Variants in MAP7D2 observed in about 807,000 individuals in gnomAD.
MAP7D2 encodes MAP7 domain-containing protein 2.
MAP7D2 carries 33 observed loss-of-function variants against 63.5 expected under a neutral mutation model. The ratio of observed to expected loss-of-function variants is 0.52; its 90% CI spans 0.39 to 0.70. MAP7D2 has a LOEUF of 0.70. Ranked by LOEUF, MAP7D2 falls within the 30% of genes least tolerant of loss-of-function variation. MAP7D2 has a pLI of 0.00. For missense variants in MAP7D2, 626 were observed against 604.0 expected, an observed-to-expected ratio of 1.04 and a Z score of -0.38; for synonymous variants, 224 against 223.7, an observed-to-expected ratio of 1.00 and a Z score of -0.01.
At chrX:20,060,416 A>AAG (rs201124124) in intron 3 of MAP7D2, among the ~76,000 whole-genome samples, 71 of 85,964 alleles carry the variant, frequency 8.3e-4, no homozygotes, top group African/African-American at 3.0e-3. Flanking sequence ...AAGAAAAGAA[A>AAG]AGAGAGAGAG....
chrX:20,061,232 T>C (rs778225394), intron 3 of MAP7D2, among the ~76,000 whole-genome samples: 3 of 107,937 alleles, frequency 2.8e-5, no homozygotes, highest in East Asian at 2.9e-4. Context: ...CCTTGAATCA[T>C]AGGGGCCAGT....
At chrX:20,108,798 A>G (rs929835755) in intron 1 of MAP7D2, among the ~76,000 whole-genome samples, 1 of 109,314 alleles carries the variant, frequency 9.1e-6, no homozygotes, top group African/African-American at 3.4e-5. Flanking sequence ...AGAGTATCAG[A>G]GAATCTTCCA....
At chrX:20,058,681 G>A (rs2085146642) in intron 3 of MAP7D2, among the ~76,000 whole-genome samples, 2 of 111,960 alleles carry the variant, frequency 1.8e-5, no homozygotes, top group African/African-American at 3.3e-5. Context: ...TGAGGAGGCC[G>A]ATGAAAACAC....
chrX:20,097,081 A>G (rs1437137768), intron 1 of MAP7D2, among the ~76,000 whole-genome samples: 3 of 111,633 alleles, frequency 2.7e-5, no homozygotes, highest in African/African-American at 9.8e-5. Flanking sequence ...GCACTGTCCC[A>G]TGGAATTTTT....
rs1034094230 is a variant in MAP7D2, at chrX:20,034,518, T to C, written c.1007+7984A>G. 5.4e-5 allele frequency among the ~76,000 whole-genome samples: 6 copies of C among 111,172 alleles called. No homozygotes were observed. The East Asian group carries it at 1.1e-3, about 21-fold the overall frequency. ...CATGTGAGTTGAAACCCTAACCCCA[T>C]GGTGGTGGTATTAGGAGGTGGGGCC... On this transcript the variant is annotated intron_variant, in intron 8 of 16. Coordinates refer to ENST00000379643, the MANE Select transcript of MAP7D2 (RefSeq NM_001168465.2).
At chrX:20,034,969 A>G (rs73445244) in intron 8 of MAP7D2, among the ~76,000 whole-genome samples, 3,050 of 111,588 alleles carry the variant, frequency 0.027, 109 homozygotes, top group African/African-American at 0.094. Flanking sequence ...GCTCTGCTAT[A>G]ATGTCACCTT....
At chrX:20,027,638 A>T (rs1279232760) in intron 8 of MAP7D2, among the ~76,000 whole-genome samples, 1 of 109,212 alleles carries the variant, frequency 9.2e-6, no homozygotes, top group Non-Finnish European at 1.9e-5. Flanking sequence ...TAGGGACAAG[A>T]TCTCCCTCAA....
intron 1 of MAP7D2, among the ~76,000 whole-genome samples, chrX:20,105,941 T>C (rs1051560566): frequency 1.6e-4 from 18 of 111,963 alleles, no homozygotes; most frequent in Admixed American, 5.7e-4. Flanking sequence ...TGGATGCTGG[T>C]GGTGTCAGCA....
At chrX:20,097,493 T>C (rs1353066578) in intron 1 of MAP7D2, among the ~76,000 whole-genome samples, 1 of 112,000 alleles carries the variant, frequency 8.9e-6, no homozygotes, top group Non-Finnish European at 1.9e-5. Flanking sequence ...AAAGCTCACC[T>C]AGGACAGTGA....
intron 1 of MAP7D2, among the ~76,000 whole-genome samples, chrX:20,112,542 C>T (rs1255888372): frequency 2.7e-5 from 3 of 111,343 alleles, no homozygotes; most frequent in African/African-American, 9.8e-5. Flanking sequence ...CCTCAGATGC[C>T]AAGACGGTAA....
chrX:20,021,303 G>A (rs946482606), intron 10 of MAP7D2: 1 of 112,263 alleles, frequency 8.9e-6, no homozygotes, highest in Non-Finnish European at 1.9e-5. Flanking sequence ...TGACTTGGAT[G>A]GTGTTTCCCT....
chrX:20,094,493 T>TAC (rs2066159292), intron 1 of MAP7D2, among the ~76,000 whole-genome samples: 1 of 17,530 alleles, frequency 5.7e-5, no homozygotes, highest in South Asian at 3.0e-3. Flanking sequence ...CATACATATA[T>TAC]ATATATATAT....
intron 1 of MAP7D2, among the ~76,000 whole-genome samples, chrX:20,094,523 T>TATAC: frequency 7.6e-5 from 1 of 13,215 alleles, no homozygotes; most frequent in South Asian, 3.4e-3. Context: ...TATGTATATA[T>TATAC]ATATATATAT....
At chrX:20,036,385 G>C (rs1015956695) in intron 8 of MAP7D2, among the ~76,000 whole-genome samples, 1 of 108,273 alleles carries the variant, frequency 9.2e-6, no homozygotes, top group Admixed American at 9.9e-5. Context: ...TGGGATTACA[G>C]GTGCGTGCCA....
At chrX:20,011,193 C>A in intron 15 of MAP7D2, 141 bp from the exon 16 acceptor site, 1 of 611,456 alleles carries the variant, frequency 1.6e-6, no homozygotes, top group South Asian at 3.1e-5. Context: ...TTGTGTAACA[C>A]ACTGTAAAAA....
rs1450641468 is a variant in MAP7D2 at position 20,025,869 on chromosome X, G to T, written c.1091C>A (p.Ala364Asp). 2 of 1,211,611 alleles carry T rather than the reference G, an allele frequency of 1.7e-6. No homozygotes were observed. Among genetic ancestry groups the T allele is most frequent in the Admixed American group, 4.3e-5 (2 of 46,010 alleles). Residue 364 changes from alanine (A) to aspartate (D), a missense_variant, in exon 9 of 17, where the codon GCC (alanine) becomes GAC (aspartate). Coordinates refer to ENST00000379643, the MANE Select transcript of MAP7D2 (RefSeq NM_001168465.2). ...PGSPVKYRLP[A>D]LSGQDMPKRK... is the part of the protein sequence containing the mutation. ...CTTGGGCATGTCTTGGCCAGAAAGGGCAGGTAAGCGGTACTTCACAGGAGA... is the reference window on the plus strand; with the variant it reads ...CTTGGGCATGTCTTGGCCAGAAAGGTCAGGTAAGCGGTACTTCACAGGAGA...
chrX:20,059,665 TAGGAAGGAAGAAAGAC>T (rs1210169747), intron 3 of MAP7D2, among the ~76,000 whole-genome samples: 6 of 64,261 alleles, frequency 9.3e-5, no homozygotes, highest in Non-Finnish European at 1.8e-4. Flanking sequence ...GAAGGAAAGA[TAGGAAGGAAGAAAGAC>T]AGGAAGGAAG....
At chrX:20,067,433 C>T (rs191953424) in intron 1 of MAP7D2, among the ~76,000 whole-genome samples, 28 of 111,118 alleles carry the variant, frequency 2.5e-4, no homozygotes, top group African/African-American at 8.8e-4. Flanking sequence ...TTATCATGCT[C>T]ACAGTCATCA....
chrX:20,102,411 T>G (rs112943396), intron 1 of MAP7D2, among the ~76,000 whole-genome samples: 19,126 of 109,546 alleles, frequency 0.17, 1,679 homozygotes, highest in Non-Finnish European at 0.25. Context: ...GAGAACAGCA[T>G]GTACACAAGC....
Sources: gnomAD v4.1 joint callset for allele counts (sites outside exome capture counted in the v4.1 genomes callset) on GRCh38, gnomAD v4.1.1 for gene constraint, MANE v1.5 for transcripts, NCBI Gene and HGNC (gene_info 2026-07-23, HGNC 2026-07-21) for gene names.